WDR7: variants seen among roughly 807,000 people sequenced by gnomAD.
The protein encoded by WDR7 is WD repeat domain 7.
A neutral mutation model predicts 169.4 loss-of-function variants in WDR7; 46 were observed. The observed-to-expected ratio is 0.27, with a 90% CI of 0.21 to 0.35. WDR7 has a LOEUF of 0.35. Ranked by LOEUF, WDR7 falls within the 10% of genes least tolerant of loss-of-function variation. The probability of loss-of-function intolerance (pLI) is 1.00; values close to 1 mark genes in which losing one functional copy is unlikely to be tolerated. For missense variants in WDR7, 1,534 were observed against 1,859.3 expected, an observed-to-expected ratio of 0.83 and a Z score of 3.22; for synonymous variants, 612 against 666.8, an observed-to-expected ratio of 0.92 and a Z score of 1.27.
intron 13 of WDR7, among the ~76,000 whole-genome samples, chr18:56,729,889 T>C (rs1248631835): frequency 1.3e-5 from 2 of 152,248 alleles, no homozygotes; most frequent in Non-Finnish European, 2.9e-5. Context: ...ATCTGTACGG[T>C]AAGATATAAA....
intron 20 of WDR7, among the ~76,000 whole-genome samples, chr18:56,865,489 T>C (rs1393370279): frequency 6.6e-6 from 1 of 152,182 alleles, no homozygotes; most frequent in African/African-American, 2.4e-5. Context: ...ATGAATTTAT[T>C]TGCAGTATTC....
chr18:56,711,184 G>A (rs1049058062), intron 12 of WDR7, among the ~76,000 whole-genome samples: 2 of 151,192 alleles, frequency 1.3e-5, no homozygotes, highest in Non-Finnish European at 2.9e-5. Flanking sequence ...TAACCTACAC[G>A]TATTTTCAGT....
chr18:57,012,283 A>G (rs1192452029), intron 26 of WDR7, among the ~76,000 whole-genome samples: 1 of 152,138 alleles, frequency 6.6e-6, no homozygotes, highest in African/African-American at 2.4e-5. Context: ...TGGGCTTCCT[A>G]TGTCCCAGGC....
chr18:56,686,913 G>C lies in WDR7; in HGVS notation c.656G>C (p.Ser219Thr), dbSNP rs1017956740. 8 of 1,611,348 alleles carry C rather than the reference G, an allele frequency of 5.0e-6. No homozygotes were observed. Among genetic ancestry groups the C allele is most frequent in the Non-Finnish European group, 6.8e-6 (8 of 1,177,776 alleles). ...CCAATTTATTGTCAGAATTGCCAAA[G>C]CATCTCTTTTTGTGCATTTACACAA... is the stretch of plus-strand genomic sequence containing the variant. ...SKPIYCQNCQ[S>T]ISFCAFTQRS... The change falls in exon 7 of 28, where the codon AGC becomes ACC. Residue 219 changes from serine to threonine, a missense_variant. Ser to Thr is a moderately conservative substitution (Grantham distance 58). Coordinates refer to ENST00000254442, the MANE Select transcript of WDR7 (RefSeq NM_015285.3).
intron 26 of WDR7, among the ~76,000 whole-genome samples, chr18:57,014,374 A>T (rs898832244): frequency 6.7e-6 from 1 of 150,122 alleles, no homozygotes; most frequent in African/African-American, 2.4e-5. Context: ...GAAAGTCCAC[A>T]TCTTGAGGCC....
intron 21 of WDR7, among the ~76,000 whole-genome samples, chr18:56,895,663 C>G (rs1383093919): frequency 1.3e-5 from 2 of 151,488 alleles, no homozygotes; most frequent in African/African-American, 4.8e-5. Context: ...ATGACTGTAT[C>G]AAAACATCAC....
At chr18:56,759,643 AAG>A (rs2043951413) in intron 16 of WDR7, among the ~76,000 whole-genome samples, 1 of 152,194 alleles carries the variant, frequency 6.6e-6, no homozygotes. Context: ...ACTTTGGACA[AAG>A]AGTTAATACT....
rs557444697 is a variant in WDR7 at position 56,862,929 on chromosome 18, A to G, written c.3305-17015A>G. ...AGTTTCAAAATGACTATAATTTAGA[A>G]TAGTGTGTTACTCCTATATACTTTT... On this transcript the variant is annotated intron_variant, in intron 20 of 27. Transcript: ENST00000254442. Among the ~76,000 whole-genome samples the G allele has an allele frequency of 2.6e-5, 4 of 152,006 alleles. No homozygotes were observed. The South Asian group carries it at 8.3e-4, about 32-fold the overall frequency.
intron 20 of WDR7, among the ~76,000 whole-genome samples, chr18:56,868,974 ATTAAC>A (rs2045919053): frequency 6.6e-6 from 1 of 152,190 alleles, no homozygotes; most frequent in Admixed American, 6.5e-5. Flanking sequence ...AAAGAAAAAA[ATTAAC>A]TTGTTATTCA....
At chr18:56,979,076 A>G (rs2047606278) in intron 26 of WDR7, among the ~76,000 whole-genome samples, 1 of 152,186 alleles carries the variant, frequency 6.6e-6, no homozygotes, top group Non-Finnish European at 1.5e-5. Flanking sequence ...GCAATGTAGC[A>G]ACAGCCTTGA....
chr18:56,899,008 A>G (rs1400417936), intron 21 of WDR7, among the ~76,000 whole-genome samples: 3 of 152,154 alleles, frequency 2.0e-5, no homozygotes, highest in Non-Finnish European at 4.4e-5. Flanking sequence ...AGGTAGCAGA[A>G]TAAAGATAGA....
At chr18:56,867,047 C>T (rs2145429333) in intron 20 of WDR7, among the ~76,000 whole-genome samples, 1 of 151,088 alleles carries the variant, frequency 6.6e-6, no homozygotes, top group Admixed American at 6.6e-5. Context: ...ATTTTTGAGG[C>T]AGGGTCTCAC....
intron 2 of WDR7, among the ~76,000 whole-genome samples, chr18:56,674,107 T>G (rs775639940): frequency 3.9e-5 from 6 of 152,224 alleles, no homozygotes; most frequent in Non-Finnish European, 7.3e-5. Flanking sequence ...TGAGTTTTTG[T>G]GTGGACACAT....
chr18:56,940,732 A>G (rs1052879159), intron 25 of WDR7, among the ~76,000 whole-genome samples: 6 of 152,160 alleles, frequency 3.9e-5, no homozygotes, highest in Non-Finnish European at 7.4e-5. Context: ...CAGTTTTATT[A>G]GGGCTTATTT....
chr18:56,685,770 G>C (rs1267999440), intron 5 of WDR7, among the ~76,000 whole-genome samples, 186 bp from the exon 6 acceptor site: 1 of 152,182 alleles, frequency 6.6e-6, no homozygotes, highest in Non-Finnish European at 1.5e-5. Flanking sequence ...ATTTTAAGTT[G>C]TTGGCCATCT....
intron 20 of WDR7, among the ~76,000 whole-genome samples, chr18:56,820,463 A>G (rs1181925303): frequency 6.7e-6 from 1 of 149,500 alleles, no homozygotes; most frequent in African/African-American, 2.5e-5. Flanking sequence ...TACTTATTTT[A>G]CTTTTTGATG....
rs1599062616 is a variant in WDR7, at chr18:56,809,646, A to G, written c.3191-6385A>G. Among the ~76,000 whole-genome samples, 3 of 152,060 alleles carry G rather than the reference A, an allele frequency of 2.0e-5. No individual in the cohort carries two copies. In the East Asian group the frequency reaches 5.8e-4, roughly 29 times the overall value. On this transcript the variant is annotated intron_variant, in intron 19 of 27. Coordinates refer to ENST00000254442, the MANE Select transcript of WDR7 (RefSeq NM_015285.3). ...TTTTCTTTGGTAGTGGATAGTACAC[A>G]AAGGCTAAGCTTTTTGTAGCAGGGA...
chr18:56,763,432 C>T (rs2044011385), intron 16 of WDR7, among the ~76,000 whole-genome samples: 2 of 152,108 alleles, frequency 1.3e-5, no homozygotes, highest in African/African-American at 4.8e-5. Flanking sequence ...AGTTTTAAAA[C>T]AACCTTGCAA....
chr18:56,714,031 A>C (rs2026139168), intron 12 of WDR7, among the ~76,000 whole-genome samples: 1 of 152,216 alleles, frequency 6.6e-6, no homozygotes, highest in South Asian at 2.1e-4. Context: ...CACTTAAATA[A>C]GCTAGACATT....
Sources: gnomAD v4.1 joint callset for allele counts (sites outside exome capture counted in the v4.1 genomes callset) on GRCh38, gnomAD v4.1.1 for gene constraint, MANE v1.5 for transcripts, NCBI Gene and HGNC (gene_info 2026-07-23, HGNC 2026-07-21) for gene names.